SPECC1: variants seen among roughly 807,000 people sequenced by gnomAD.
SPECC1 encodes the protein sperm antigen with calponin homology and coiled-coil domains 1.
In SPECC1, 62 loss-of-function variants were observed where a neutral mutation model predicts 104.1. The observed-to-expected ratio is 0.60, with a 90% CI of 0.49 to 0.74. The LOEUF (loss-of-function observed/expected upper bound fraction) is 0.74, where lower values mean the gene tolerates loss of function less well. Among genes scored for constraint, SPECC1 ranks in the 30% least tolerant of loss-of-function variants. SPECC1 has a pLI of 0.00. For missense variants in SPECC1, 1,306 were observed against 1,310.5 expected (o/e 1.00, Z 0.05); for synonymous variants, 513 against 501.6 (o/e 1.02, Z -0.30).
At chr17:20,041,791 T>G (rs2045341347) in intron 1 of SPECC1, among the ~76,000 whole-genome samples, 1 of 150,996 alleles carries the variant, frequency 6.6e-6, no homozygotes, top group Admixed American at 6.6e-5. Context: ...GCCTTGCTAT[T>G]TTTTTTTGTA....
rs2039878832 is a variant in SPECC1, at chr17:20,257,560, A to G, written c.2790A>G (p.Arg930=). Residue 930 remains arginine (R), a synonymous_variant, in exon 11 of 15, where the codon AGA becomes AGG. Coordinates refer to ENST00000395527, the MANE Select transcript of SPECC1 (RefSeq NM_001243439.2). The part of the protein sequence containing the change: ...RPPSLGFGDT[R]LLSASTRAWK... ...CGTCTCTGGGCTTTGGGGACACAAG[A>G]CTGCTGAGTGCTTCCACCCGGGCAT... 6 of 1,613,478 alleles carry G rather than the reference A, an allele frequency of 3.7e-6. No homozygotes were observed. Among genetic ancestry groups the G allele is most frequent in the African/African-American group, 1.3e-5 (1 of 74,940 alleles).
chr17:20,215,233 T>C (rs2037413043), intron 4 of SPECC1, among the ~76,000 whole-genome samples: 1 of 152,166 alleles, frequency 6.6e-6, no homozygotes, highest in South Asian at 2.1e-4. Context: ...TATGCTGAGG[T>C]TTGTGAGGAG....
intron 12 of SPECC1, among the ~76,000 whole-genome samples, chr17:20,286,967 G>A (rs1009532435): frequency 2.0e-5 from 3 of 152,246 alleles, no homozygotes; most frequent in Non-Finnish European, 2.9e-5. Context: ...CCCCAAGAAA[G>A]TCCTGGCTCC....
intron 1 of SPECC1, among the ~76,000 whole-genome samples, chr17:20,059,717 A>G (rs571739656): frequency 1.1e-4 from 16 of 152,296 alleles, no homozygotes; most frequent in African/African-American, 3.8e-4. Context: ...AATTTAAAAA[A>G]TTAGCTGGGC....
intron 1 of SPECC1, among the ~76,000 whole-genome samples, chr17:20,027,667 A>T (rs1215348844): frequency 6.6e-6 from 1 of 152,044 alleles, no homozygotes; most frequent in Non-Finnish European, 1.5e-5. Context: ...TCCTAGTATC[A>T]TTTATTGAAG....
At chr17:20,055,829 C>T (rs1010344842) in intron 1 of SPECC1, among the ~76,000 whole-genome samples, 3 of 152,166 alleles carry the variant, frequency 2.0e-5, no homozygotes, top group African/African-American at 4.8e-5. Context: ...CCCACTGGGC[C>T]CCCTCCGTTC....
chr17:20,011,359 TTC>T (rs1300331310), intron 1 of SPECC1, among the ~76,000 whole-genome samples: 3 of 152,232 alleles, frequency 2.0e-5, no homozygotes, highest in African/African-American at 7.2e-5. Context: ...ATTTAATATT[TTC>T]TGTTTTCCTA....
At chr17:20,076,024 AGAG>A (rs2046745805) in intron 1 of SPECC1, among the ~76,000 whole-genome samples, 1 of 152,130 alleles carries the variant, frequency 6.6e-6, no homozygotes, top group South Asian at 2.1e-4. Context: ...CAGCTACTCC[AGAG>A]GATCACTCGT....
intron 3 of SPECC1, among the ~76,000 whole-genome samples, chr17:20,176,022 G>A (rs1164939241): frequency 2.6e-5 from 4 of 152,144 alleles, no homozygotes; most frequent in Admixed American, 6.5e-5. Flanking sequence ...ATGTAAATGC[G>A]CAAATTTCTG....
chr17:20,147,587 G>A (rs2031587436), intron 3 of SPECC1, among the ~76,000 whole-genome samples: 1 of 152,154 alleles, frequency 6.6e-6, no homozygotes, highest in Non-Finnish European at 1.5e-5. Context: ...GGAAGAAGTG[G>A]GTGATAGATG....
chr17:20,110,621 C>T, intron 3 of SPECC1, 59 bp downstream of exon 3: 2 of 1,528,666 alleles, frequency 1.3e-6, no homozygotes, highest in East Asian at 2.4e-5. Flanking sequence ...CATGGAAGCA[C>T]TTCAGTGACC....
chr17:20,185,392 C>T (rs987758207), intron 3 of SPECC1, among the ~76,000 whole-genome samples: 1 of 152,286 alleles, frequency 6.6e-6, no homozygotes, highest in South Asian at 2.1e-4. Context: ...TGCTTGGAGC[C>T]GTGAGCCGTT....
chr17:20,203,331 G>A (rs182224337), intron 3 of SPECC1, among the ~76,000 whole-genome samples: 97 of 151,882 alleles, frequency 6.4e-4, no homozygotes, highest in Middle Eastern at 3.5e-3. Flanking sequence ...TAACATCTGA[G>A]GTGGGTTTCA....
At chr17:20,233,689 C>T (rs1567969060) in intron 7 of SPECC1, among the ~76,000 whole-genome samples, 1 of 152,200 alleles carries the variant, frequency 6.6e-6, no homozygotes. Context: ...AGACAGAGCT[C>T]TCCCTCTGGA....
At position 20,231,830 on chromosome 17, in the gene SPECC1, A is replaced by C; in HGVS notation, c.2144A>C (p.Lys715Thr). The C allele has an allele frequency of 3.1e-6, 5 of 1,614,074 alleles. No homozygotes were observed. The highest frequency in any genetic ancestry group is 4.2e-6 in the Non-Finnish European group (5 of 1,179,982). Residue 715 changes from lysine (K) to threonine (T), a missense_variant and splice_region_variant, in exon 6 of 15, where the codon AAG becomes ACG. This residue lies in a region of SPECC1 where 1,177 missense variants were observed against 1,139.9 expected (regional missense o/e 1.03). Transcript: ENST00000395527. Reference protein sequence around the residue: ...RQLKTLTKQMKEETEEWRRFQ... With the variant: ...RQLKTLTKQMTEETEEWRRFQ... Reference sequence around the variant, plus strand: ...CTGAAGACTCTGACCAAGCAGATGAAGGTGAGATGCGGGTGGGAGCCTTCA... The same window carrying C: ...CTGAAGACTCTGACCAAGCAGATGACGGTGAGATGCGGGTGGGAGCCTTCA...
chr17:20,147,939 G>A (rs2031620736), intron 3 of SPECC1, among the ~76,000 whole-genome samples: 1 of 152,038 alleles, frequency 6.6e-6, no homozygotes, highest in Non-Finnish European at 1.5e-5. Context: ...TTGGGAGGGA[G>A]GCTGAGGTGG....
At chr17:20,142,549 G>A (rs2030946691) in intron 3 of SPECC1, among the ~76,000 whole-genome samples, 1 of 152,188 alleles carries the variant, frequency 6.6e-6, no homozygotes. Flanking sequence ...ACATTATGCT[G>A]AGTAAAAGGA....
At chr17:20,110,848 C>G (rs1469282055) in intron 3 of SPECC1, among the ~76,000 whole-genome samples, 1 of 151,904 alleles carries the variant, frequency 6.6e-6, no homozygotes, top group Non-Finnish European at 1.5e-5. Flanking sequence ...TTCTGACATC[C>G]AAGCAGGGCG....
At chr17:20,064,253 C>A (rs1372997642) in intron 1 of SPECC1, among the ~76,000 whole-genome samples, 1 of 152,176 alleles carries the variant, frequency 6.6e-6, no homozygotes, top group Admixed American at 6.5e-5. Flanking sequence ...GGGCATTGCA[C>A]ATCCAGAACC....
Sources: gnomAD v4.1 joint callset for allele counts (sites outside exome capture counted in the v4.1 genomes callset) on GRCh38, gnomAD v4.1.1 for gene constraint, gnomAD v4.1.1 regional missense constraint, MANE v1.5 for transcripts, NCBI Gene and HGNC (gene_info 2026-07-23, HGNC 2026-07-21) for gene names.